The following ZFAND3 variants were observed in gnomAD, a reference collection of about 807,000 sequenced individuals.
ZFAND3 encodes the protein zinc finger AN1-type containing 3, also known as AN1-type zinc finger protein 3.
ZFAND3 carries 10 observed loss-of-function variants against 29.6 expected under a neutral mutation model. The observed-to-expected ratio is 0.34, with a 90% CI of 0.21 to 0.57. ZFAND3 has a LOEUF of 0.57. Ranked by LOEUF, ZFAND3 falls within the 20% of genes least tolerant of loss-of-function variation. ZFAND3 has a pLI of 0.86. For synonymous variants in ZFAND3, 128 were observed against 112.6 expected (o/e 1.14, Z -0.87); for missense variants, 230 against 304.5 (o/e 0.76, Z 1.82).
chr6:38,044,260 T>TA (rs2127457316), intron 2 of ZFAND3, among the ~76,000 whole-genome samples: 1 of 152,336 alleles, frequency 6.6e-6, no homozygotes, highest in East Asian at 1.9e-4. Context: ...GTACACTAAT[T>TA]ACTGTCTTTG....
chr6:37,819,913 TGCCGCCGCCGAGCTCCGCC>T lies in ZFAND3; in HGVS notation c.-25_-7del, dbSNP rs1554145508. On this transcript the variant is annotated 5_prime_UTR_variant, in exon 1 of 6. Coordinates refer to ENST00000287218, the MANE Select transcript of ZFAND3 (RefSeq NM_021943.3). ...GCCCGGGCCCAGCCGCCGCCACCGC[TGCCGCCGCCGAGCTCCGCC>T]GCCGCCGAGCACCATGGGAGACGCT... is the stretch of plus-strand genomic sequence containing the variant. 1.7e-6 allele frequency: 2 copies of T among 1,196,492 alleles called. No individual in the cohort carries two copies. Among genetic ancestry groups the T allele is most frequent in the South Asian group, 8.0e-5 (2 of 25,094 alleles). 74.1% of individuals were successfully genotyped at this position (1,196,492 alleles called of 1,614,324 possible).
chr6:38,053,908 C>T lies in ZFAND3; in HGVS notation c.113-7685C>T, dbSNP rs532764012. Reference sequence around the variant, plus strand: ...TTCTCTATGTGAATGTTGATATCATCTGATGAGATGGGAGGAAGGGCAGAA... The same window carrying T: ...TTCTCTATGTGAATGTTGATATCATTTGATGAGATGGGAGGAAGGGCAGAA... On this transcript the variant is annotated intron_variant, in intron 2 of 5. Transcript: ENST00000287218. 1.9e-4 allele frequency among the ~76,000 whole-genome samples: 29 copies of T among 151,092 alleles called. No individual in the cohort carries two copies. The South Asian group carries it at 5.9e-3, about 31-fold the overall frequency.
chr6:37,920,383 A>G (rs1248770825), intron 1 of ZFAND3, among the ~76,000 whole-genome samples: 1 of 149,982 alleles, frequency 6.7e-6, no homozygotes, highest in Non-Finnish European at 1.5e-5. Flanking sequence ...TCTTTTGACT[A>G]GTTTATTGAT....
At chr6:37,852,987 A>G (rs1222116085) in intron 1 of ZFAND3, among the ~76,000 whole-genome samples, 2 of 152,164 alleles carry the variant, frequency 1.3e-5, no homozygotes, top group South Asian at 2.1e-4. Flanking sequence ...GTACTTTTCA[A>G]AACCTGTTGG....
At chr6:38,133,913 A>G (rs959178422) in intron 5 of ZFAND3, among the ~76,000 whole-genome samples, 1 of 152,134 alleles carries the variant, frequency 6.6e-6, no homozygotes, top group Non-Finnish European at 1.5e-5. Context: ...AAGCTGGCCC[A>G]TGGGGTCCCC....
intron 2 of ZFAND3, among the ~76,000 whole-genome samples, chr6:37,976,380 G>A (rs557477170): frequency 7.6e-4 from 116 of 152,106 alleles, no homozygotes; most frequent in African/African-American, 2.7e-3. Flanking sequence ...TCAGGAGTTT[G>A]AGACCAGACT....
chr6:37,868,277 G>A (rs1201132266), intron 1 of ZFAND3, among the ~76,000 whole-genome samples: 1 of 152,196 alleles, frequency 6.6e-6, no homozygotes, highest in Non-Finnish European at 1.5e-5. Context: ...ACAAAGAAAT[G>A]GTAATATCTG....
intron 2 of ZFAND3, among the ~76,000 whole-genome samples, chr6:37,982,251 A>C (rs1762593247): frequency 6.6e-6 from 1 of 151,660 alleles, no homozygotes; most frequent in South Asian, 2.1e-4. Flanking sequence ...TTAGGGATAG[A>C]ATAAGAGTCA....
intron 5 of ZFAND3, among the ~76,000 whole-genome samples, chr6:38,151,754 C>G (rs1766231252): frequency 6.6e-6 from 1 of 152,178 alleles, no homozygotes; most frequent in African/African-American, 2.4e-5. Flanking sequence ...GGTTTGATCA[C>G]TCCCACCATC....
chr6:37,824,505 T>G (rs749765810), intron 1 of ZFAND3, among the ~76,000 whole-genome samples: 4 of 152,230 alleles, frequency 2.6e-5, no homozygotes, highest in Non-Finnish European at 4.4e-5. Context: ...CTAATTCTAT[T>G]TAAGTACAGA....
chr6:37,933,262 A>G (rs1561938784), intron 2 of ZFAND3, among the ~76,000 whole-genome samples: 2 of 152,248 alleles, frequency 1.3e-5, no homozygotes, highest in South Asian at 2.1e-4. Flanking sequence ...TTCCTTTTCA[A>G]AATCTATGTG....
Position 37,913,708 on chromosome 6 carries a change from C to CTTTTTTTTTTTTTTTTTTTTT in ZFAND3, c.72-16232_72-16231insTTTTTTTTTTTTTTTTTTTTT, listed in dbSNP as rs56045448. 5.6e-4 allele frequency among the ~76,000 whole-genome samples: 63 copies of CTTTTTTTTTTTTTTTTTTTTT among 113,020 alleles called. 5 individuals are homozygous for CTTTTTTTTTTTTTTTTTTTTT. The highest frequency in any genetic ancestry group is 7.7e-4 in the African/African-American group (23 of 29,766). 74.1% of individuals were successfully genotyped at this position (113,020 alleles called of 152,430 possible). ...CCCAGCTGTCTATGGCAGCTATATT[C>CTTTTTTTTTTTTTTTTTTTTT]TTTTTTTTTTTTTTTTTTTGAGACA... is the stretch of plus-strand genomic sequence containing the variant. On this transcript the variant is annotated intron_variant, in intron 1 of 5. Coordinates refer to ENST00000287218, the MANE Select transcript of ZFAND3 (RefSeq NM_021943.3).
At chr6:38,014,898 C>G (rs922484215) in intron 2 of ZFAND3, among the ~76,000 whole-genome samples, 1 of 152,154 alleles carries the variant, frequency 6.6e-6, no homozygotes, top group East Asian at 1.9e-4. Context: ...AATACTGTTT[C>G]CATTAAGATG....
chr6:37,831,498 G>A (rs1300326685), intron 1 of ZFAND3, among the ~76,000 whole-genome samples: 2 of 152,126 alleles, frequency 1.3e-5, no homozygotes, highest in Admixed American at 6.5e-5. Context: ...GAAAGCTCAC[G>A]GTCTAGAAGG....
chr6:38,120,286 A>G (rs1765505443), intron 5 of ZFAND3, among the ~76,000 whole-genome samples: 1 of 135,336 alleles, frequency 7.4e-6, no homozygotes, highest in Non-Finnish European at 1.6e-5. Context: ...GTCTTCTCTG[A>G]GCAGATCTTG....
chr6:38,113,273 C>T lies in ZFAND3; in HGVS notation c.362-3299C>T, dbSNP rs550819324. Among the ~76,000 whole-genome samples the T allele has an allele frequency of 3.9e-5, 6 of 152,234 alleles. No individual in the cohort carries two copies. The East Asian group carries it at 5.8e-4, about 15-fold the overall frequency. ...GGATGCCTTTGGTCATAGACTTGTA[C>T]GGATGCTGGGACATTGATTGTCAGA... is the stretch of plus-strand genomic sequence containing the variant. On this transcript the variant is annotated intron_variant, in intron 4 of 5. Coordinates refer to ENST00000287218, the MANE Select transcript of ZFAND3 (RefSeq NM_021943.3).
intron 1 of ZFAND3, among the ~76,000 whole-genome samples, chr6:37,823,808 G>T (rs560696886): frequency 1.1e-4 from 16 of 151,706 alleles, no homozygotes; most frequent in Non-Finnish European, 1.9e-4. Flanking sequence ...TTTTGGGGGG[G>T]GGTAGGAAGT....
At chr6:37,837,246 CAT>C (rs978642943) in intron 1 of ZFAND3, among the ~76,000 whole-genome samples, 40 of 152,234 alleles carry the variant, frequency 2.6e-4, no homozygotes, top group South Asian at 6.2e-4. Context: ...TTATTCATGA[CAT>C]GTGCTGTATG....
intron 1 of ZFAND3, among the ~76,000 whole-genome samples, chr6:37,875,944 T>C (rs977534934): frequency 2.0e-5 from 3 of 152,152 alleles, no homozygotes; most frequent in Non-Finnish European, 2.9e-5. Flanking sequence ...GTGTGGAGAT[T>C]ACAGGCCCAG....
Sources: allele counts gnomAD v4.1 joint callset (sites outside exome capture counted in the v4.1 genomes callset), GRCh38; gene constraint gnomAD v4.1.1; transcripts MANE v1.5; gene names NCBI Gene and HGNC (gene_info 2026-07-23, HGNC 2026-07-21).